TMPRSS6: variants seen among roughly 807,000 people sequenced by gnomAD.
TMPRSS6 encodes transmembrane protease serine 6.
In TMPRSS6, 67 loss-of-function variants were observed where a neutral mutation model predicts 101.5. That is an observed-to-expected ratio of 0.66 (90% CI 0.54 to 0.81). TMPRSS6 has a LOEUF of 0.81. Ranked by LOEUF, TMPRSS6 falls within the 30% of genes least tolerant of loss-of-function variation. The pLI, the probability that TMPRSS6 is intolerant of heterozygous loss-of-function variation, is 0.00. For synonymous variants in TMPRSS6, 453 were observed against 464.9 expected, an observed-to-expected ratio of 0.97 and a Z score of 0.33; for missense variants, 1,034 against 1,088.7, an observed-to-expected ratio of 0.95 and a Z score of 0.71.
At chr22:37,081,542 C>T (rs56270606) in intron 10 of TMPRSS6, among the ~76,000 whole-genome samples, 31,384 of 152,090 alleles carry the variant, frequency 0.21, 3,354 homozygotes, top group African/African-American at 0.23. Flanking sequence ...CTGAACCCCT[C>T]GTTTCACAGA....
Position 37,073,514 on chromosome 22 carries a change from C to T in TMPRSS6, c.1555+18G>A, listed in dbSNP as rs376338678. The T allele has an allele frequency of 1.3e-5, 21 of 1,574,622 alleles. No individual in the cohort carries two copies. Among genetic ancestry groups the T allele is most frequent in the African/African-American group, 1.1e-4 (8 of 73,928 alleles). On this transcript the variant is annotated intron_variant, in intron 13 of 17. Coordinates refer to ENST00000676104, the MANE Select transcript of TMPRSS6 (RefSeq NM_001374504.1). ...TGCCTTTGGTGTCCCTCCAGACACT[C>T]GGCTAGGCCTGCCCTACCTTCCTGG...
intron 15 of TMPRSS6, among the ~76,000 whole-genome samples, chr22:37,070,059 CTGA>C (rs1320867616): frequency 6.6e-6 from 1 of 152,088 alleles, no homozygotes; most frequent in Non-Finnish European, 1.5e-5. Context: ...GCCATGAGGC[CTGA>C]TGAGATGTCC....
intron 8 of TMPRSS6, among the ~76,000 whole-genome samples, 193 bp downstream of exon 8, chr22:37,086,090 G>T (rs905003952): frequency 6.6e-6 from 1 of 151,000 alleles, no homozygotes; most frequent in Non-Finnish European, 1.5e-5. Context: ...GGGGAAGAGG[G>T]GGGTGGAAGT....
At chr22:37,078,318 G>A (rs1429626995) in intron 10 of TMPRSS6, among the ~76,000 whole-genome samples, 2 of 152,196 alleles carry the variant, frequency 1.3e-5, no homozygotes, top group Admixed American at 6.5e-5. Context: ...GGGGCTGTAA[G>A]GCAAAGACAC....
intron 9 of TMPRSS6, 48 bp from the exon 10 acceptor site, chr22:37,084,452 G>T: frequency 1.4e-6 from 2 of 1,420,030 alleles, no homozygotes; most frequent in Admixed American, 1.8e-5. Context: ...GTGTGGCCAG[G>T]TTGGTGAACC....
chr22:37,086,493 G>T (rs1184286544), intron 7 of TMPRSS6, 74 bp from the exon 8 acceptor site: 1 of 1,502,734 alleles, frequency 6.7e-7, no homozygotes. Flanking sequence ...GCAGGCGGCT[G>T]CTGGGGGAGG....
intron 1 of TMPRSS6, among the ~76,000 whole-genome samples, chr22:37,106,798 G>C (rs923427576): frequency 1.3e-5 from 2 of 152,172 alleles, no homozygotes; most frequent in African/African-American, 2.4e-5. Flanking sequence ...TCATGCACAT[G>C]GTGCCCCAGG....
chr22:37,091,220 A>C (rs1044895516), intron 6 of TMPRSS6, among the ~76,000 whole-genome samples: 1 of 152,244 alleles, frequency 6.6e-6, no homozygotes, highest in Non-Finnish European at 1.5e-5. Flanking sequence ...CCTCGCCAGA[A>C]GCCTGGTGTT....
At chr22:37,070,382 C>G in intron 15 of TMPRSS6, 102 bp downstream of exon 15, 15 of 1,471,878 alleles carry the variant, frequency 1.0e-5, no homozygotes, top group Non-Finnish European at 1.3e-5. Context: ...GGGTCCACCA[C>G]CCTTCCCTCT....
intron 3 of TMPRSS6, among the ~76,000 whole-genome samples, chr22:37,097,810 C>T (rs111276378): frequency 8.1e-5 from 8 of 98,872 alleles, no homozygotes; most frequent in East Asian, 3.4e-4. Context: ...AACGGAGGGG[C>T]AGGAGCGGCC....
chr22:37,070,683 A>G (rs1926813309), intron 14 of TMPRSS6, 31 bp from the exon 15 acceptor site: 1 of 1,603,060 alleles, frequency 6.2e-7, no homozygotes, highest in Admixed American at 1.7e-5. Context: ...TGGGGTGGAC[A>G]GAGGAGGAGG....
At chr22:37,073,459 CT>C (rs887256407) in intron 13 of TMPRSS6, 72 bp downstream of exon 13, 1 of 993,690 alleles carries the variant, frequency 1.0e-6, no homozygotes, top group Non-Finnish European at 1.6e-6. Context: ...AAGCTAGAAA[CT>C]TTTGCTGAAG....
intron 3 of TMPRSS6, among the ~76,000 whole-genome samples, chr22:37,097,579 G>A (rs1184232487): frequency 1.3e-5 from 2 of 152,262 alleles, no homozygotes; most frequent in African/African-American, 4.8e-5. Flanking sequence ...GCTGGGCAGT[G>A]GTCCTGCAGC....
chr22:37,082,504 G>T (rs1158398893), intron 10 of TMPRSS6: 2 of 168,152 alleles, frequency 1.2e-5, no homozygotes, highest in African/African-American at 4.8e-5. Context: ...ATCCATCTCA[G>T]GGTCACCCTG....
intron 7 of TMPRSS6, among the ~76,000 whole-genome samples, chr22:37,086,692 T>C (rs1928814171): frequency 6.6e-6 from 1 of 152,106 alleles, no homozygotes; most frequent in African/African-American, 2.4e-5. Flanking sequence ...TACAGTTTGA[T>C]GATGACGGCT....
At chr22:37,100,385 G>T (rs915494571) in intron 2 of TMPRSS6, among the ~76,000 whole-genome samples, 6 of 151,354 alleles carry the variant, frequency 4.0e-5, no homozygotes, top group Admixed American at 2.6e-4. Flanking sequence ...TCGAGGACAC[G>T]CCTGCAGGGC....
In TMPRSS6 at chr22:37,066,750, G is replaced by A. The variant is rs753296223; in HGVS notation, c.2250+76C>T. The A allele has an allele frequency of 2.9e-4, 464 of 1,600,256 alleles. 1 individual carries two copies. Among genetic ancestry groups the A allele is most frequent in the Non-Finnish European group, 3.8e-4 (445 of 1,169,558 alleles). On this transcript the variant is annotated intron_variant, in intron 17 of 17. Transcript: ENST00000676104. ...GGGAGGCTTCAGCAGGCTGATGTGA[G>A]CAAAGGGCCAGACCCTGGTGATGTG...
At position 37,101,827 on chromosome 22, in the gene TMPRSS6, G is replaced by A. The variant is rs1930335403; in HGVS notation, c.202+1389C>T. Reference sequence around the variant, plus strand: ...CTGGCCCTCCAGCCCAGTGCCCCGTGGTTTACCCTGTAGACTAATTAGCCC... The same window carrying A: ...CTGGCCCTCCAGCCCAGTGCCCCGTAGTTTACCCTGTAGACTAATTAGCCC... On this transcript the variant is annotated intron_variant, in intron 2 of 17. Coordinates refer to ENST00000676104, the MANE Select transcript of TMPRSS6 (RefSeq NM_001374504.1). The surrounding 1 kb of genome is among the most constrained non-coding windows in gnomAD (Gnocchi z 4.1). Among the ~76,000 whole-genome samples the A allele has an allele frequency of 1.3e-5, 2 of 152,184 alleles. No homozygotes were observed. The highest frequency in any genetic ancestry group is 2.9e-5 in the Non-Finnish European group (2 of 68,020).
intron 1 of TMPRSS6, among the ~76,000 whole-genome samples, chr22:37,104,548 C>T (rs766108692): frequency 4.6e-5 from 7 of 152,180 alleles, no homozygotes; most frequent in South Asian, 2.1e-4. Context: ...TGGCCTTTGA[C>T]GCAGGTTTCC....
Sources: gnomAD v4.1 joint callset for allele counts (sites outside exome capture counted in the v4.1 genomes callset) on GRCh38, gnomAD v4.1.1 for gene constraint, Gnocchi (gnomAD v3.1) non-coding constraint, MANE v1.5 for transcripts, NCBI Gene and HGNC (gene_info 2026-07-23, HGNC 2026-07-21) for gene names.